Variants in TMEM135 observed in about 807,000 individuals in gnomAD.
The protein encoded by TMEM135 is transmembrane protein 135.
A neutral mutation model predicts 60.3 loss-of-function variants in TMEM135; 30 were observed. That is an observed-to-expected ratio of 0.50 (90% CI 0.37 to 0.68). The LOEUF is 0.68. TMEM135 is among the 30% of genes least tolerant of loss of function. The pLI is 0.00. For missense variants in TMEM135, 468 were observed against 548.8 expected (o/e 0.85, Z 1.47); for synonymous variants, 190 against 186.7 (o/e 1.02, Z -0.14).
intron 4 of TMEM135, among the ~76,000 whole-genome samples, chr11:87,146,695 C>A (rs1214545903): frequency 3.9e-5 from 6 of 152,122 alleles, no homozygotes; most frequent in Non-Finnish European, 2.9e-5. Context: ...CTAAACTAGA[C>A]CTTGGATTCA....
rs376160529 is a variant in TMEM135 at position 87,140,229 on chromosome 11, G to A, written c.397-17112G>A. On this transcript the variant is annotated intron_variant, in intron 4 of 14. Coordinates refer to ENST00000305494, the MANE Select transcript of TMEM135 (RefSeq NM_022918.4). The stretch of plus-strand genomic sequence containing the variant: ...ACTACAGGTGCATGCCACCACGCCC[G>A]GCTAATTTTTTGTATTTTTAGTAGA... Among the ~76,000 whole-genome samples, 18 of 151,756 alleles carry A rather than the reference G, an allele frequency of 1.2e-4. No individual in the cohort carries two copies. In the East Asian group the frequency reaches 1.7e-3, roughly 15 times the overall value.
At chr11:87,222,099 G>A (rs1302795214) in intron 5 of TMEM135, among the ~76,000 whole-genome samples, 3 of 144,610 alleles carry the variant, frequency 2.1e-5, no homozygotes, top group Admixed American at 7.2e-5. Context: ...GGAGAATGGC[G>A]TGAACCCGGG....
intron 4 of TMEM135, among the ~76,000 whole-genome samples, chr11:87,126,500 A>G (rs1219755329): frequency 6.6e-6 from 1 of 151,940 alleles, no homozygotes; most frequent in African/African-American, 2.4e-5. Context: ...CAAAAAATTT[A>G]GTATACTGTG....
chr11:87,157,204 C>T (rs893858167), intron 4 of TMEM135, 137 bp from the exon 5 acceptor site: 1 of 755,554 alleles, frequency 1.3e-6, no homozygotes, highest in Non-Finnish European at 2.2e-6. Context: ...TAGGCATATA[C>T]AACTTATTGA....
chr11:87,059,360 A>G (rs1949924345), intron 1 of TMEM135, among the ~76,000 whole-genome samples: 1 of 148,374 alleles, frequency 6.7e-6, no homozygotes, highest in Non-Finnish European at 1.5e-5. Context: ...GCTGAAGTGC[A>G]ATGGCGTGAT....
Position 87,321,817 on chromosome 11 carries a change from A to C in TMEM135, c.*484A>C, listed in dbSNP as rs965241668. The C allele has an allele frequency of 2.0e-5, 9 of 454,408 alleles. No individual in the cohort carries two copies. Among genetic ancestry groups the C allele is most frequent in the Non-Finnish European group, 3.1e-5 (7 of 226,792 alleles). The allele number at this position is 454,408 out of a possible 1,614,324, so 28.1% of individuals were successfully genotyped here. A position where few individuals can be genotyped will look rare whatever the true frequency, so the allele number is the denominator to read the frequency against. On this transcript the variant is annotated 3_prime_UTR_variant, in exon 15 of 15. Transcript: ENST00000305494. Reference sequence around the variant, plus strand: ...GGTATCTGTAGTAGTGGAATGTTATAGATTTGAAGTAACTCTCCACGGACA... The same window carrying C: ...GGTATCTGTAGTAGTGGAATGTTATCGATTTGAAGTAACTCTCCACGGACA...
At chr11:87,150,579 G>A (rs959856399) in intron 4 of TMEM135, among the ~76,000 whole-genome samples, 1 of 152,138 alleles carries the variant, frequency 6.6e-6, no homozygotes, top group Non-Finnish European at 1.5e-5. Context: ...TCGTAGCTGA[G>A]CCATTGTACA....
At chr11:87,110,073 C>T (rs1409094442) in intron 4 of TMEM135, among the ~76,000 whole-genome samples, 1 of 152,090 alleles carries the variant, frequency 6.6e-6, no homozygotes, top group Non-Finnish European at 1.5e-5. Flanking sequence ...GTTGAAATGT[C>T]CATCCCTAAA....
At chr11:87,175,095 A>G (rs1421005790) in intron 5 of TMEM135, among the ~76,000 whole-genome samples, 1 of 152,168 alleles carries the variant, frequency 6.6e-6, no homozygotes, top group Non-Finnish European at 1.5e-5. Flanking sequence ...TCTGGATGGT[A>G]TAGATACTGA....
At chr11:87,177,433 T>C (rs1388092470) in intron 5 of TMEM135, among the ~76,000 whole-genome samples, 5 of 152,216 alleles carry the variant, frequency 3.3e-5, no homozygotes, top group African/African-American at 9.6e-5. Context: ...ATTATAACTT[T>C]GAATGCCTTC....
At chr11:87,319,587 T>C (rs112857366) in intron 14 of TMEM135, among the ~76,000 whole-genome samples, 18 of 152,180 alleles carry the variant, frequency 1.2e-4, no homozygotes, top group African/African-American at 2.2e-4. Context: ...TAGATTAATA[T>C]CATGTTGATT....
intron 3 of TMEM135, among the ~76,000 whole-genome samples, chr11:87,076,827 T>A (rs12283055): frequency 0.09 from 13,653 of 152,240 alleles, 675 homozygotes; most frequent in Non-Finnish European, 0.1. Context: ...AGAAATGTCA[T>A]CCAGGAGCAA....
intron 1 of TMEM135, among the ~76,000 whole-genome samples, chr11:87,066,537 A>G (rs1856657568): frequency 2.0e-5 from 3 of 150,662 alleles, no homozygotes. Flanking sequence ...TAATTGCTAA[A>G]TTATTTCAGG....
intron 6 of TMEM135, 123 bp downstream of exon 6, chr11:87,236,807 A>ACCCCCGCC: frequency 1.1e-6 from 1 of 886,804 alleles, no homozygotes; most frequent in Non-Finnish European, 1.8e-6. Flanking sequence ...CTCCCCCCGC[A>ACCCCCGCC]CCCCCGCCCA....
intron 2 of TMEM135, 78 bp downstream of exon 2, chr11:87,067,899 G>A: frequency 6.5e-7 from 1 of 1,536,844 alleles, no homozygotes; most frequent in South Asian, 1.1e-5. Flanking sequence ...TTACATAAAT[G>A]TTATGTGGGT....
chr11:87,162,463 C>T (rs563841289), intron 5 of TMEM135, among the ~76,000 whole-genome samples: 18 of 152,046 alleles, frequency 1.2e-4, no homozygotes, highest in South Asian at 2.1e-4. Flanking sequence ...TGAGTGAGAA[C>T]ATTTGGTGTT....
chr11:87,261,998 T>C (rs1941660997), intron 6 of TMEM135, among the ~76,000 whole-genome samples: 1 of 152,184 alleles, frequency 6.6e-6, no homozygotes, highest in Non-Finnish European at 1.5e-5. Flanking sequence ...TATATATTGT[T>C]CTGTAGTGTT....
At chr11:87,131,048 A>G (rs1003638601) in intron 4 of TMEM135, among the ~76,000 whole-genome samples, 1 of 150,718 alleles carries the variant, frequency 6.6e-6, no homozygotes, top group Non-Finnish European at 1.5e-5. Flanking sequence ...TACCCTTCCT[A>G]TTGTGCTGAT....
Position 87,152,335 on chromosome 11 carries a change from TG to T in TMEM135, c.397-5005del, listed in dbSNP as rs528955445. Among the ~76,000 whole-genome samples, 22 of 152,330 alleles carry T rather than the reference TG, an allele frequency of 1.4e-4. 1 individual carries two copies. Among genetic ancestry groups the T allele is most frequent in the African/African-American group, 4.3e-4 (18 of 41,574 alleles). ...TGGAGGGAGTAACGTTAAGTCTATA[TG>T]TTCACTGTAGTATATTTAATGTAAT... On this transcript the variant is annotated intron_variant, in intron 4 of 14. Coordinates refer to ENST00000305494, the MANE Select transcript of TMEM135 (RefSeq NM_022918.4).
Sources: gnomAD v4.1 joint callset for allele counts (sites outside exome capture counted in the v4.1 genomes callset) on GRCh38, gnomAD v4.1.1 for gene constraint, MANE v1.5 for transcripts, NCBI Gene and HGNC (gene_info 2026-07-23, HGNC 2026-07-21) for gene names.